Variants in SLCO2A1 observed in about 807,000 individuals in gnomAD.
SLCO2A1 encodes solute carrier organic anion transporter family member 2A1.
SLCO2A1 carries 60 observed loss-of-function variants against 71.7 expected under a neutral mutation model. The ratio of observed to expected loss-of-function variants is 0.84; its 90% CI spans 0.68 to 1.04. The LOEUF (loss-of-function observed/expected upper bound fraction) is 1.04, where lower values mean the gene tolerates loss of function less well. Among genes scored for constraint, SLCO2A1 ranks in the 50% least tolerant of loss-of-function variants. The probability of loss-of-function intolerance (pLI) is 0.00; values close to 1 mark genes in which losing one functional copy is unlikely to be tolerated. For synonymous variants in SLCO2A1, 308 were observed against 326.7 expected (o/e 0.94, Z 0.62); for missense variants, 745 against 813.4 (o/e 0.92, Z 1.02).
intron 4 of SLCO2A1, among the ~76,000 whole-genome samples, chr3:133,954,100 G>A (rs868257860): frequency 2.6e-5 from 4 of 151,948 alleles, no homozygotes. Context: ...GCCTGTGGGG[G>A]TGGTCTGTGT....
In SLCO2A1 at chr3:133,942,307, TA is replaced by T. The variant is rs1259456322; in HGVS notation, c.1625+297del. 1.2e-5 allele frequency: 3 copies of T among 255,752 alleles called. No homozygotes were observed. In the Admixed American group the frequency reaches 1.6e-4, roughly 14 times the overall value. The allele number at this position is 255,752 out of a possible 1,614,324, so 15.8% of individuals were successfully genotyped here. On this transcript the variant is annotated intron_variant, in intron 11 of 13. Coordinates refer to ENST00000310926, the MANE Select transcript of SLCO2A1 (RefSeq NM_005630.3). ...CCGCGCCCAGCCTAGGCTTGTGATT[TA>T]ACCTCCAATGTGCAGAGTGGAGGCG...
intron 1 of SLCO2A1, 72 bp from the exon 2 acceptor site, chr3:133,979,690 G>A (rs1934541738): frequency 1.3e-6 from 2 of 1,518,546 alleles, no homozygotes; most frequent in African/African-American, 1.4e-5. Context: ...CATCTGTTAG[G>A]GGCCCCGGCA....
In SLCO2A1 at chr3:133,958,858, T is replaced by C. The variant is rs553874877; in HGVS notation, c.398-3665A>G. 3.0e-4 allele frequency among the ~76,000 whole-genome samples: 46 copies of C among 152,318 alleles called. No homozygotes were observed. In the South Asian group the frequency reaches 3.5e-3, roughly 12 times the overall value. ...AACAAAGTCTGAGTTCCCTAAAACC[T>C]CAGGTTGTTGTCATTCACAAGTGTG... On this transcript the variant is annotated intron_variant, in intron 3 of 13. Coordinates refer to ENST00000310926, the MANE Select transcript of SLCO2A1 (RefSeq NM_005630.3).
intron 1 of SLCO2A1, among the ~76,000 whole-genome samples, chr3:134,003,743 CCA>C (rs1165251889): frequency 6.6e-6 from 1 of 152,128 alleles, no homozygotes; most frequent in African/African-American, 2.4e-5. Context: ...CTCGGCTAGG[CCA>C]CAGTCTGCAG....
chr3:133,979,670 C>T (rs564431150), intron 1 of SLCO2A1, 52 bp from the exon 2 acceptor site: 5 of 1,544,292 alleles, frequency 3.2e-6, no homozygotes, highest in Admixed American at 2.0e-5. Context: ...AGCCCTGGCG[C>T]CCTCCCAGCC....
At chr3:134,024,673 C>T (rs187415548) in intron 1 of SLCO2A1, among the ~76,000 whole-genome samples, 270 of 152,290 alleles carry the variant, frequency 1.8e-3, no homozygotes, top group Non-Finnish European at 8.2e-4. Context: ...GCAACAAGGG[C>T]CTTCTTGTCC....
Position 134,029,779 on chromosome 3 carries a change from G to T in SLCO2A1, c.24C>A (p.Gly8=), listed in dbSNP as rs1420259156. MGLLPKL[G]ASQGSDTSTS... is the part of the protein sequence containing the mutation. ...TAGAGGTGTCGCTGCCCTGGGACGC[G>T]CCGAGCTTGGGCAGGAGCCCCATGG... Residue 8 remains glycine (G), a synonymous_variant, in exon 1 of 14, where the codon GGC becomes GGA. Transcript: ENST00000310926. The T allele has an allele frequency of 1.9e-6, 3 of 1,547,072 alleles. No homozygotes were observed. Among genetic ancestry groups the T allele is most frequent in the African/African-American group, 1.4e-5 (1 of 70,696 alleles).
intron 6 of SLCO2A1, 62 bp downstream of exon 6, chr3:133,951,146 T>G (rs775855208): frequency 4.9e-5 from 78 of 1,606,490 alleles, no homozygotes; most frequent in Non-Finnish European, 6.6e-5. Context: ...CTATTTATTT[T>G]CTACCCCCAC....
chr3:134,025,573 A>G (rs1559962851), intron 1 of SLCO2A1, among the ~76,000 whole-genome samples: 1 of 152,222 alleles, frequency 6.6e-6, no homozygotes, highest in African/African-American at 2.4e-5. Context: ...GAGGCTATAT[A>G]GCAGAAAATA....
At chr3:133,958,956 A>G (rs1340553657) in intron 3 of SLCO2A1, among the ~76,000 whole-genome samples, 1 of 152,178 alleles carries the variant, frequency 6.6e-6, no homozygotes, top group Non-Finnish European at 1.5e-5. Context: ...GTGGGGTGGC[A>G]GGACCAAGTC....
intron 1 of SLCO2A1, among the ~76,000 whole-genome samples, chr3:134,023,650 T>C (rs569461797): frequency 1.3e-5 from 2 of 152,346 alleles, no homozygotes; most frequent in South Asian, 4.1e-4. Flanking sequence ...ATACATTCAT[T>C]TTACTAGAGG....
At chr3:133,948,868 C>A in intron 7 of SLCO2A1, 25 bp downstream of exon 7, 2 of 1,610,922 alleles carry the variant, frequency 1.2e-6, no homozygotes, top group Middle Eastern at 3.3e-4. Flanking sequence ...TGTGCCAGCC[C>A]ACCCAGGGCT....
At chr3:133,984,612 T>A (rs1222073705) in intron 1 of SLCO2A1, among the ~76,000 whole-genome samples, 1 of 152,084 alleles carries the variant, frequency 6.6e-6, no homozygotes, top group Non-Finnish European at 1.5e-5. Flanking sequence ...ACCAAGTACC[T>A]CCTATATGGC....
At chr3:134,019,774 G>C (rs1018423663) in intron 1 of SLCO2A1, among the ~76,000 whole-genome samples, 50 of 152,072 alleles carry the variant, frequency 3.3e-4, no homozygotes, top group African/African-American at 1.1e-3. Flanking sequence ...ATGGTATGTG[G>C]GTTTTTGCAG....
intron 1 of SLCO2A1, among the ~76,000 whole-genome samples, chr3:134,015,090 A>T (rs183440489): frequency 5.2e-4 from 79 of 152,322 alleles, no homozygotes; most frequent in African/African-American, 1.8e-3. Context: ...TGGTATCCAT[A>T]AGATAAACAC....
chr3:134,028,631 G>A (rs1331898134), intron 1 of SLCO2A1, among the ~76,000 whole-genome samples: 1 of 152,124 alleles, frequency 6.6e-6, no homozygotes, highest in African/African-American at 2.4e-5. Flanking sequence ...ATCCCTTTGT[G>A]TAATCTGGCT....
chr3:133,946,655 A>G (rs1043039130), intron 9 of SLCO2A1, among the ~76,000 whole-genome samples: 1 of 152,248 alleles, frequency 6.6e-6, no homozygotes, highest in South Asian at 2.1e-4. Context: ...TGTGGCTCAC[A>G]GCCCTACAAA....
chr3:133,976,953 A>G (rs760470283), intron 2 of SLCO2A1, among the ~76,000 whole-genome samples: 43 of 152,118 alleles, frequency 2.8e-4, no homozygotes, highest in Middle Eastern at 6.8e-3. Context: ...CACCTCACCT[A>G]CTGGGCCCCC....
intron 1 of SLCO2A1, among the ~76,000 whole-genome samples, chr3:133,995,762 T>C (rs1444837279): frequency 6.6e-6 from 1 of 152,176 alleles, no homozygotes; most frequent in East Asian, 1.9e-4. Context: ...ACGAATGATT[T>C]CAGAAGAAAA....
Sources: gnomAD v4.1 joint callset for allele counts (sites outside exome capture counted in the v4.1 genomes callset) on GRCh38, gnomAD v4.1.1 for gene constraint, MANE v1.5 for transcripts, NCBI Gene and HGNC (gene_info 2026-07-23, HGNC 2026-07-21) for gene names.